Variants in ETS2 observed in about 807,000 individuals in gnomAD.
ETS2 encodes protein C-ets-2.
In ETS2, 19 loss-of-function variants were observed where a neutral mutation model predicts 54.9. The observed-to-expected ratio is 0.35, with a 90% CI of 0.24 to 0.51. The LOEUF (loss-of-function observed/expected upper bound fraction) is 0.51. Among genes scored for constraint, ETS2 ranks in the 20% least tolerant of loss-of-function variants. The pLI is 0.97. For synonymous variants in ETS2, 219 were observed against 229.3 expected, an observed-to-expected ratio of 0.95 and a Z score of 0.41; for missense variants, 417 against 593.0, an observed-to-expected ratio of 0.70 and a Z score of 3.08.
Position 38,806,755 on chromosome 21 carries a change from T to C in ETS2, c.-1+635T>C. On this transcript the variant is annotated intron_variant, in intron 1 of 9. Coordinates refer to ENST00000360938, the MANE Select transcript of ETS2 (RefSeq NM_005239.6). This position sits in a 1 kb window ranked among gnomAD's most constrained non-coding sequence, Gnocchi z 4.3. ...TGGGGAACCTGTCGGAAATGAGATCTGGTTGCGCTGGGCTGCCTTTATTTT... is the reference window on the plus strand; with the variant it reads ...TGGGGAACCTGTCGGAAATGAGATCCGGTTGCGCTGGGCTGCCTTTATTTT... The C allele has an allele frequency of 1.0e-6, 1 of 985,496 alleles. No individual in the cohort carries two copies. Among genetic ancestry groups the C allele is most frequent in the Non-Finnish European group, 1.2e-6 (1 of 829,950 alleles). The allele number at this position is 985,496 out of a possible 1,614,324, so 61.0% of individuals were successfully genotyped here.
At chr21:38,820,623 T>C (rs2060954140) in intron 8 of ETS2, among the ~76,000 whole-genome samples, 1 of 152,206 alleles carries the variant, frequency 6.6e-6, no homozygotes, top group African/African-American at 2.4e-5. Flanking sequence ...TAAGTAGGCA[T>C]ACAGTCTGTA....
chr21:38,806,534 G>GCGTGTC lies in ETS2; in HGVS notation c.-1+417_-1+422dup, dbSNP rs2060893947. ...CGAACGGGAGTGGGGGCACAGGAGA[G>GCGTGTC]CGTGTCCGAGGTGGCCTGGCGCCCC... is the stretch of plus-strand genomic sequence containing the variant. On this transcript the variant is annotated intron_variant, in intron 1 of 9. Coordinates refer to ENST00000360938, the MANE Select transcript of ETS2 (RefSeq NM_005239.6). The surrounding 1 kb of genome is among the most constrained non-coding windows in gnomAD (Gnocchi z 4.3). The GCGTGTC allele has an allele frequency of 1.0e-6, 1 of 985,544 alleles. No homozygotes were observed. The highest frequency in any genetic ancestry group is 1.2e-6 in the Non-Finnish European group (1 of 830,010). 61.0% of individuals were successfully genotyped at this position (985,544 alleles called of 1,614,324 possible).
chr21:38,813,258 G>A (rs1311030843), intron 3 of ETS2, 144 bp downstream of exon 3: 10 of 651,708 alleles, frequency 1.5e-5, no homozygotes, highest in Non-Finnish European at 2.5e-5. Flanking sequence ...CTGGGAGAAG[G>A]CAGTTTTTCA....
intron 8 of ETS2, among the ~76,000 whole-genome samples, chr21:38,820,653 T>C (rs460982): frequency 0.75 from 114,809 of 152,108 alleles, 44,438 homozygotes; most frequent in Non-Finnish European, 0.85. Flanking sequence ...GGCATGGGGG[T>C]GGTATGAGGC....
In ETS2 at chr21:38,805,959, G is replaced by T; in HGVS notation, c.-162G>T. Reference sequence around the variant, plus strand: ...CTTCCTCCAGAGACTGACGAGTGCGGTGTCGCTCCAGCTCAGAGCTCCCGG... The same window carrying T: ...CTTCCTCCAGAGACTGACGAGTGCGTTGTCGCTCCAGCTCAGAGCTCCCGG... On this transcript the variant is annotated 5_prime_UTR_variant, in exon 1 of 10. Coordinates refer to ENST00000360938, the MANE Select transcript of ETS2 (RefSeq NM_005239.6). The surrounding 1 kb of genome is among the most constrained non-coding windows in gnomAD (Gnocchi z 5.2). 7.9e-7 allele frequency: 1 copy of T among 1,269,488 alleles called. No individual in the cohort carries two copies. Among genetic ancestry groups the T allele is most frequent in the African/African-American group, 1.6e-5 (1 of 63,136 alleles). 78.6% of individuals were successfully genotyped at this position (1,269,488 alleles called of 1,614,324 possible). A position where few individuals can be genotyped will look rare whatever the true frequency, so the allele number is the denominator to read the frequency against.
At position 38,818,579 on chromosome 21, in the gene ETS2, C is replaced by T. The variant is rs757431412; in HGVS notation, c.744C>T (p.Ser248=). 15 of 1,614,032 alleles carry T rather than the reference C, an allele frequency of 9.3e-6. No individual in the cohort carries two copies. The highest frequency in any genetic ancestry group is 3.3e-5 in the Admixed American group (2 of 60,004). ...MFPKSRLSSV[S]VTYCSVSQDF... ...CCAAGTCTCGGCTCAGCTCCGTCAGCGTCACCTACTGCTCTGTCAGTCAGG... is the reference window on the plus strand; with the variant it reads ...CCAAGTCTCGGCTCAGCTCCGTCAGTGTCACCTACTGCTCTGTCAGTCAGG... The change falls in exon 7 of 10, where the codon AGC becomes AGT. Residue 248 remains serine, a synonymous_variant. Transcript: ENST00000360938.
At chr21:38,819,828 T>C in intron 8 of ETS2, 62 bp downstream of exon 8, 1 of 1,521,504 alleles carries the variant, frequency 6.6e-7, no homozygotes, top group Non-Finnish European at 8.9e-7. Flanking sequence ...CTTGCTTCCT[T>C]TCGAGCCACA....
At chr21:38,819,431 G>A in intron 7 of ETS2, 72 bp from the exon 8 acceptor site, 2 of 1,426,684 alleles carry the variant, frequency 1.4e-6, no homozygotes, top group Non-Finnish European at 2.0e-6. Flanking sequence ...AGTGGTTGGT[G>A]ATGCTATGGT....
In ETS2 at chr21:38,806,120, G is replaced by A. The variant is rs529427446; in HGVS notation, c.-1G>A. 3.8e-6 allele frequency: 4 copies of A among 1,041,622 alleles called. No homozygotes were observed. The highest frequency in any genetic ancestry group is 4.6e-6 in the Non-Finnish European group (4 of 865,252). The allele number at this position is 1,041,622 out of a possible 1,614,324, so 64.5% of individuals were successfully genotyped here. A position where few individuals can be genotyped will look rare whatever the true frequency, so the allele number is the denominator to read the frequency against. On this transcript the variant is annotated splice_region_variant and 5_prime_UTR_variant, in exon 1 of 10. Transcript: ENST00000360938. This position sits in a 1 kb window ranked among gnomAD's most constrained non-coding sequence, Gnocchi z 4.3. ...GCGCCGGCCCTGCCCGCAGCGGCAG[G>A]GTAAGAGCTGGGCCCGCAGAGAGCG...
At chr21:38,815,427 A>G (rs1283248028) in intron 5 of ETS2, among the ~76,000 whole-genome samples, 1 of 152,042 alleles carries the variant, frequency 6.6e-6, no homozygotes, top group Admixed American at 6.5e-5. Flanking sequence ...AAATTTTCCT[A>G]CATCCAAATG....
chr21:38,810,293 TTGA>T (rs1261668888), intron 2 of ETS2, among the ~76,000 whole-genome samples, 187 bp downstream of exon 2: 1 of 152,198 alleles, frequency 6.6e-6, no homozygotes, highest in African/African-American at 2.4e-5. Flanking sequence ...AATGGGTATC[TTGA>T]TGTGTGTTGT....
intron 6 of ETS2, 38 bp from the exon 7 acceptor site, chr21:38,818,387 G>A: frequency 1.2e-6 from 2 of 1,612,624 alleles, no homozygotes; most frequent in South Asian, 1.1e-5. Flanking sequence ...GGGTAACACT[G>A]ACTTTAAGAG....
At chr21:38,813,172 A>G in intron 3 of ETS2, 58 bp downstream of exon 3, 1 of 1,055,648 alleles carries the variant, frequency 9.5e-7, no homozygotes, top group Non-Finnish European at 1.5e-6. Flanking sequence ...AGTTCAGTTA[A>G]TAAAGAGATG....
At chr21:38,807,386 A>G (rs1601423644) in intron 1 of ETS2, among the ~76,000 whole-genome samples, 1 of 145,622 alleles carries the variant, frequency 6.9e-6, no homozygotes, top group South Asian at 2.2e-4. Flanking sequence ...AAATGTAACC[A>G]TTCTCAGCTG....
At chr21:38,811,957 C>G (rs2060915470) in intron 2 of ETS2, among the ~76,000 whole-genome samples, 1 of 152,156 alleles carries the variant, frequency 6.6e-6, no homozygotes, top group African/African-American at 2.4e-5. Context: ...CTCAAGTGAT[C>G]CTCTGGCCTC....
At chr21:38,818,884 CTT>C (rs1417836781) in intron 7 of ETS2, among the ~76,000 whole-genome samples, 2 of 152,180 alleles carry the variant, frequency 1.3e-5, no homozygotes, top group Non-Finnish European at 2.9e-5. Context: ...TTTCTCCACA[CTT>C]TGGGATATTT....
In ETS2 at chr21:38,819,704, G is replaced by C. The variant is rs767702107; in HGVS notation, c.1013G>C (p.Arg338Thr). The change falls in exon 8 of 10, where the codon AGG (arginine) becomes ACG (threonine). Residue 338 changes from arginine to threonine, a missense_variant. Around this residue, in one of 3 missense-constraint regions of ETS2, gnomAD observed 326 missense variants for 426.1 expected, o/e 0.76. Transcript: ENST00000360938. ...TMSFKDYIQE[R>T]SDPVEQGKPV... ...TCTTTCAAGGATTACATCCAAGAGA[G>C]GAGTGACCCAGTGGAGCAAGGCAAA... is the stretch of plus-strand genomic sequence containing the variant. 1 of 1,614,096 alleles carries C rather than the reference G, an allele frequency of 6.2e-7. No individual in the cohort carries two copies. The highest frequency in any genetic ancestry group is 1.1e-5 in the South Asian group (1 of 91,064).
rs1482432308 is a variant in ETS2, at chr21:38,822,667, A to G, written c.1195-7A>G. 4 of 1,611,656 alleles carry G rather than the reference A, an allele frequency of 2.5e-6. No homozygotes were observed. In the East Asian group the frequency reaches 6.7e-5, roughly 27 times the overall value. The stretch of plus-strand genomic sequence containing the variant: ...GTTTAACTCTTTTCCATCCATGTTC[A>G]CCAAAGGTGGCCCGCCGGTGGGGAA... On this transcript the variant is annotated splice_region_variant and splice_polypyrimidine_tract_variant and intron_variant, in intron 9 of 9. Coordinates refer to ENST00000360938, the MANE Select transcript of ETS2 (RefSeq NM_005239.6).
rs569333457 is a variant in ETS2 at position 38,806,028 on chromosome 21, G to GCGCCCT, written c.-81_-76dup. On this transcript the variant is annotated 5_prime_UTR_variant, in exon 1 of 10. Coordinates refer to ENST00000360938, the MANE Select transcript of ETS2 (RefSeq NM_005239.6). The surrounding 1 kb of genome is among the most constrained non-coding windows in gnomAD (Gnocchi z 4.3). ...CGGCCTCCCTGATCGTCTCTGGCCG[G>GCGCCCT]CGCCCTCGCCCTCGCCCGGCGCGCA... The GCGCCCT allele has an allele frequency of 1.1e-4, 133 of 1,230,264 alleles. 3 individuals are homozygous for GCGCCCT. In the East Asian group the frequency reaches 6.0e-3, roughly 55 times the overall value. 76.2% of individuals were successfully genotyped at this position (1,230,264 alleles called of 1,614,324 possible).
Sources: gnomAD v4.1 joint callset for allele counts (sites outside exome capture counted in the v4.1 genomes callset) on GRCh38, gnomAD v4.1.1 for gene constraint, gnomAD v4.1.1 regional missense constraint, Gnocchi (gnomAD v3.1) non-coding constraint, MANE v1.5 for transcripts, NCBI Gene and HGNC (gene_info 2026-07-23, HGNC 2026-07-21) for gene names.